Variants in VCL observed in about 807,000 individuals in gnomAD.
The protein encoded by VCL is epididymis luminal protein 114.
In VCL, 47 loss-of-function variants were observed where a neutral mutation model predicts 125.7. That is an observed-to-expected ratio of 0.37 (90% CI 0.30 to 0.48). VCL has a LOEUF of 0.48. VCL is among the 20% of genes least tolerant of loss of function. VCL has a pLI of 0.99. For synonymous variants in VCL, 458 were observed against 514.6 expected, an observed-to-expected ratio of 0.89 and a Z score of 1.49; for missense variants, 1,069 against 1,455.5, an observed-to-expected ratio of 0.73 and a Z score of 4.32.
chr10:74,076,195 G>C (rs567249231), intron 6 of VCL: 4 of 152,536 alleles, frequency 2.6e-5, no homozygotes, highest in African/African-American at 4.8e-5. Context: ...GCTGTGTGCC[G>C]TGCCTTATTC....
chr10:74,094,093 T>A (rs1219730232), intron 10 of VCL, among the ~76,000 whole-genome samples, 178 bp from the exon 11 acceptor site: 1 of 152,268 alleles, frequency 6.6e-6, no homozygotes, highest in African/African-American at 2.4e-5. Flanking sequence ...CAAAATAATC[T>A]GAATGTAAAT....
chr10:74,078,776 G>T (rs1186216574), intron 6 of VCL, among the ~76,000 whole-genome samples: 1 of 152,124 alleles, frequency 6.6e-6, no homozygotes, highest in Non-Finnish European at 1.5e-5. Flanking sequence ...GTAAGATTTT[G>T]TTCTACTGCC....
chr10:74,048,405 T>C (rs939532201), intron 2 of VCL, among the ~76,000 whole-genome samples: 2 of 151,228 alleles, frequency 1.3e-5, no homozygotes, highest in Admixed American at 6.6e-5. Context: ...GTGGTGGAGG[T>C]TGCAGTGAGC....
At chr10:74,072,700 A>C (rs1488419252) in intron 4 of VCL, 30 bp from the exon 5 acceptor site, 3 of 1,613,728 alleles carry the variant, frequency 1.9e-6, no homozygotes, top group East Asian at 4.5e-5. Flanking sequence ...TTCACTACTC[A>C]CCCTGCACAA....
intron 13 of VCL, among the ~76,000 whole-genome samples, chr10:74,099,634 T>C (rs1564531034): frequency 6.6e-6 from 1 of 152,146 alleles, no homozygotes; most frequent in South Asian, 2.1e-4. Context: ...TAAATTTTGG[T>C]TGAGTGACGA....
chr10:74,050,997 T>A (rs1458687971), intron 2 of VCL, among the ~76,000 whole-genome samples: 2 of 136,392 alleles, frequency 1.5e-5, no homozygotes, highest in African/African-American at 5.5e-5. Context: ...TGGAGTGCAA[T>A]GGCACCATCT....
At chr10:74,039,048 A>G (rs1176814232) in intron 1 of VCL, among the ~76,000 whole-genome samples, 1 of 151,954 alleles carries the variant, frequency 6.6e-6, no homozygotes, top group Non-Finnish European at 1.5e-5. Context: ...AGTAGCTGGG[A>G]TTATAGGCAT....
At chr10:74,101,133 A>G in intron 14 of VCL, 36 bp downstream of exon 14, 1 of 1,603,698 alleles carries the variant, frequency 6.2e-7, no homozygotes. Flanking sequence ...AGTGTTCAGT[A>G]AAGAAAGTTA....
intron 1 of VCL, among the ~76,000 whole-genome samples, chr10:74,029,501 A>C (rs865916429): frequency 7.2e-5 from 11 of 152,296 alleles, no homozygotes; most frequent in Middle Eastern, 3.4e-3. Flanking sequence ...TCTGGTGAGC[A>C]AGGTTGCTCT....
chr10:74,010,122 A>G (rs1840405139), intron 1 of VCL, among the ~76,000 whole-genome samples: 1 of 151,712 alleles, frequency 6.6e-6, no homozygotes, highest in African/African-American at 2.4e-5. Context: ...ACAGAGTTTT[A>G]CCATGTTGGC....
intron 1 of VCL, 107 bp downstream of exon 1, chr10:73,998,482 T>A (rs932625177): frequency 8.3e-7 from 1 of 1,201,096 alleles, no homozygotes; most frequent in African/African-American, 1.6e-5. Flanking sequence ...GCTTTCCGCG[T>A]GGGTTCCGGA....
chr10:74,030,148 A>G (rs1227972780), intron 1 of VCL, among the ~76,000 whole-genome samples: 2 of 152,194 alleles, frequency 1.3e-5, no homozygotes, highest in Non-Finnish European at 2.9e-5. Flanking sequence ...CAATGAGTGA[A>G]TCAGGCCAGT....
chr10:74,106,537 C>A (rs2131930472), intron 16 of VCL, among the ~76,000 whole-genome samples: 1 of 152,294 alleles, frequency 6.6e-6, no homozygotes, highest in East Asian at 1.9e-4. Flanking sequence ...TGGTTGAAAT[C>A]ATCTGAATTC....
intron 1 of VCL, among the ~76,000 whole-genome samples, chr10:74,026,753 T>C (rs1384766283): frequency 6.6e-6 from 1 of 152,224 alleles, no homozygotes; most frequent in Non-Finnish European, 1.5e-5. Flanking sequence ...ATTAAGTAAC[T>C]TGCCAGAGGA....
intron 15 of VCL, among the ~76,000 whole-genome samples, chr10:74,104,736 C>G (rs2131927933): frequency 6.6e-6 from 1 of 152,260 alleles, no homozygotes; most frequent in East Asian, 1.9e-4. Flanking sequence ...GGTGGTGATG[C>G]AGTGATGGTT....
intron 11 of VCL, among the ~76,000 whole-genome samples, chr10:74,095,003 T>G (rs1440570430): frequency 6.6e-6 from 1 of 152,162 alleles, no homozygotes; most frequent in African/African-American, 2.4e-5. Context: ...AGTTGGAGAA[T>G]TGGGCACATA....
intron 1 of VCL, among the ~76,000 whole-genome samples, chr10:74,039,793 AAAG>A (rs1841059899): frequency 6.8e-6 from 1 of 146,740 alleles, no homozygotes; most frequent in African/African-American, 2.8e-5. Context: ...AAAGAAAAGA[AAAG>A]AAAAAGTCAG....
intron 1 of VCL, 98 bp from the exon 2 acceptor site, chr10:74,042,985 T>C: frequency 8.2e-7 from 1 of 1,222,320 alleles, no homozygotes; most frequent in Non-Finnish European, 1.2e-6. Context: ...ACTTTAATGA[T>C]AGATTATGTT....
chr10:74,091,189 C>G (rs1839878179), intron 10 of VCL, among the ~76,000 whole-genome samples: 1 of 152,104 alleles, frequency 6.6e-6, no homozygotes, highest in South Asian at 2.1e-4. Context: ...GGTTTAATGT[C>G]AAATGTAAAA....
Sources: gnomAD v4.1 joint callset for allele counts (sites outside exome capture counted in the v4.1 genomes callset) on GRCh38, gnomAD v4.1.1 for gene constraint, MANE v1.5 for transcripts, NCBI Gene and HGNC (gene_info 2026-07-23, HGNC 2026-07-21) for gene names.